RBM15B: variants seen among roughly 807,000 people sequenced by gnomAD.
RBM15B encodes the protein putative RNA-binding protein 15B.
Under a neutral mutation model 53.3 loss-of-function variants are expected in RBM15B, and 11 were observed. The observed-to-expected ratio is 0.21, with a 90% CI of 0.13 to 0.34. RBM15B has a LOEUF of 0.34. Ranked by LOEUF, RBM15B falls within the 10% of genes least tolerant of loss-of-function variation. RBM15B has a pLI of 1.00. For missense variants in RBM15B, 1,136 were observed against 1,250.3 expected (o/e 0.91, Z 1.38); for synonymous variants, 631 against 540.7 (o/e 1.17, Z -2.32).
At position 51,392,198 on chromosome 3, in the gene RBM15B, T is replaced by A; in HGVS notation, c.799T>A (p.Ser267Thr). ...GGYQYKQRSL[S>T]PVAAPPLREP... ...CTACCAGTACAAGCAGCGCTCGCTG[T>A]CCCCCGTCGCTGCCCCGCCCCTGCG... is the stretch of plus-strand genomic sequence containing the variant. Residue 267 changes from serine (S) to threonine (T), a missense_variant, in exon 1 of 1, where the codon TCC becomes ACC. Coordinates refer to ENST00000563281, the MANE Select transcript of RBM15B (RefSeq NM_013286.5). This position sits in a 1 kb window ranked among gnomAD's most constrained non-coding sequence, Gnocchi z 7.5. The A allele has an allele frequency of 6.5e-7, 1 of 1,543,078 alleles. No individual in the cohort carries two copies. Among genetic ancestry groups the A allele is most frequent in the Non-Finnish European group, 8.7e-7 (1 of 1,149,040 alleles).
In RBM15B at chr3:51,392,885, C is replaced by T. The variant is rs782736874; in HGVS notation, c.1486C>T (p.Arg496Trp). 3.7e-6 allele frequency: 6 copies of T among 1,613,844 alleles called. No homozygotes were observed. The highest frequency in any genetic ancestry group is 1.7e-5 in the Admixed American group (1 of 60,012). The change falls in exon 1 of 1, where the codon CGG (arginine) becomes TGG (tryptophan). Residue 496 changes from arginine (R) to tryptophan (W), a missense_variant. Arg to Trp is a moderately radical substitution (Grantham distance 101, BLOSUM62 -3). This residue lies in a region of RBM15B where 578 missense variants were observed against 581.6 expected (regional missense o/e 0.99). Transcript: ENST00000563281. This position sits in a 1 kb window ranked among gnomAD's most constrained non-coding sequence, Gnocchi z 7.5. ...RVDFAKAEET[R>W]YPQQYQPSPL... ...GGATTTTGCCAAAGCAGAGGAGACTCGGTACCCCCAGCAGTACCAGCCCTC... is the reference window on the plus strand; with the variant it reads ...GGATTTTGCCAAAGCAGAGGAGACTTGGTACCCCCAGCAGTACCAGCCCTC...
In RBM15B at chr3:51,394,911, C is replaced by T. The variant is rs2089121686; in HGVS notation, c.*839C>T. On this transcript the variant is annotated 3_prime_UTR_variant, in exon 1 of 1. Transcript: ENST00000563281. ...GCCTACTTTCTAGCCTCACTCAGCC[C>T]AGGGATAGCCAGTGTTGGGAGACAG... 6.0e-6 allele frequency: 1 copy of T among 167,230 alleles called. No individual in the cohort carries two copies. Among genetic ancestry groups the T allele is most frequent in the African/African-American group, 2.4e-5 (1 of 41,440 alleles). The allele number at this position is 167,230 out of a possible 1,614,324, so 10.4% of individuals were successfully genotyped here.
chr3:51,392,658 T>C lies in RBM15B; in HGVS notation c.1259T>C (p.Leu420Pro). Reference sequence around the variant, plus strand: ...GGCAAGGCCAACCCCACCACTCGTCTCTGGGTGGGTGGCCTGGGACCTAAC... The same window carrying C: ...GGCAAGGCCAACCCCACCACTCGTCCCTGGGTGGGTGGCCTGGGACCTAAC... ...GYGKANPTTRLWVGGLGPNTS... is the reference protein window; with the variant it reads ...GYGKANPTTRPWVGGLGPNTS... Residue 420 changes from leucine (L) to proline (P), a missense_variant, in exon 1 of 1, where the codon CTC becomes CCC. Coordinates refer to ENST00000563281, the MANE Select transcript of RBM15B (RefSeq NM_013286.5). This position sits in a 1 kb window ranked among gnomAD's most constrained non-coding sequence, Gnocchi z 7.5. 6.2e-7 allele frequency: 1 copy of C among 1,614,110 alleles called. No homozygotes were observed. The highest frequency in any genetic ancestry group is 8.5e-7 in the Non-Finnish European group (1 of 1,180,014).
Position 51,393,221 on chromosome 3 carries a change from C to T in RBM15B, c.1822C>T (p.His608Tyr), listed in dbSNP as rs782545862. The change falls in exon 1 of 1, where the codon CAT (histidine) becomes TAT (tyrosine). Residue 608 changes from histidine to tyrosine, a missense_variant. Coordinates refer to ENST00000563281, the MANE Select transcript of RBM15B (RefSeq NM_013286.5). This position sits in a 1 kb window ranked among gnomAD's most constrained non-coding sequence, Gnocchi z 5.6. ...SLSSDRGRTT[H>Y]SPYEERSRTK... ...TTCCAGTGACCGTGGGAGGACAACC[C>T]ATTCACCATATGAGGAACGGAGTAG... The T allele has an allele frequency of 6.2e-7, 1 of 1,613,854 alleles. No homozygotes were observed. Among genetic ancestry groups the T allele is most frequent in the South Asian group, 1.1e-5 (1 of 91,076 alleles).
In RBM15B at chr3:51,395,897, G is replaced by GTT. The variant is rs1186470769; in HGVS notation, c.*1829_*1830dup. The GTT allele has an allele frequency of 9.7e-6, 4 of 413,412 alleles. No individual in the cohort carries two copies. The highest frequency in any genetic ancestry group is 2.1e-5 in the African/African-American group (1 of 48,648). 25.6% of individuals were successfully genotyped at this position (413,412 alleles called of 1,614,324 possible). On this transcript the variant is annotated 3_prime_UTR_variant, in exon 1 of 1. Coordinates refer to ENST00000563281, the MANE Select transcript of RBM15B (RefSeq NM_013286.5). ...GTTAAGCATGTTTATTTATTTGCCT[G>GTT]TTTTTGTTTTTTTACTTGAGCTGTG...
chr3:51,392,292 T>C lies in RBM15B; in HGVS notation c.893T>C (p.Leu298Pro). 1 of 1,608,034 alleles carries C rather than the reference T, an allele frequency of 6.2e-7. No homozygotes were observed. Among genetic ancestry groups the C allele is most frequent in the Non-Finnish European group, 8.5e-7 (1 of 1,178,420 alleles). ...LDAAAAAAVG[L>P]SRERALDYYG... is the part of the protein sequence containing the mutation. The stretch of plus-strand genomic sequence containing the variant: ...GCCGCTGCTGCCGCCGCCGTGGGAC[T>C]GTCCCGGGAGCGGGCCCTGGACTAC... Residue 298 changes from leucine to proline, a missense_variant, in exon 1 of 1, where the codon CTG (leucine) becomes CCG (proline). This residue lies in a region of RBM15B where 204 missense variants were observed against 196.8 expected (regional missense o/e 1.04). Coordinates refer to ENST00000563281, the MANE Select transcript of RBM15B (RefSeq NM_013286.5). The surrounding 1 kb of genome is among the most constrained non-coding windows in gnomAD (Gnocchi z 7.5).
rs1553622492 is a variant in RBM15B, at chr3:51,395,323, TGTTA to T, written c.*1253_*1256del. 6.0e-6 allele frequency: 1 copy of T among 167,566 alleles called. No homozygotes were observed. The highest frequency in any genetic ancestry group is 1.5e-5 in the Non-Finnish European group (1 of 68,546). 10.4% of individuals were successfully genotyped at this position (167,566 alleles called of 1,614,324 possible). ...CAAGTCACTGAGGTGTTTGTTTGTT[TGTTA>T]GGCAGTGCTAGAGCTTGAAGCCACT... On this transcript the variant is annotated 3_prime_UTR_variant, in exon 1 of 1. Coordinates refer to ENST00000563281, the MANE Select transcript of RBM15B (RefSeq NM_013286.5).
chr3:51,393,804 G>T lies in RBM15B; in HGVS notation c.2405G>T (p.Ser802Ile). ...AVLLATQATP[S>I]GLGTEGMPTV... Reference sequence around the variant, plus strand: ...CTCTTAGCCACCCAGGCAACCCCCAGTGGGCTTGGCACTGAGGGGATGCCC... The same window carrying T: ...CTCTTAGCCACCCAGGCAACCCCCATTGGGCTTGGCACTGAGGGGATGCCC... The change falls in exon 1 of 1, where the codon AGT (serine) becomes ATT (isoleucine). Residue 802 changes from serine to isoleucine, a missense_variant. By Grantham distance (142) the Ser-to-Ile change is moderately radical (BLOSUM62 -2). Around this residue, in one of 7 missense-constraint regions of RBM15B, gnomAD observed 578 missense variants for 581.6 expected, o/e 0.99. Coordinates refer to ENST00000563281, the MANE Select transcript of RBM15B (RefSeq NM_013286.5). The surrounding 1 kb of genome is among the most constrained non-coding windows in gnomAD (Gnocchi z 5.6). 1 of 1,613,630 alleles carries T rather than the reference G, an allele frequency of 6.2e-7. No homozygotes were observed. The highest frequency in any genetic ancestry group is 8.5e-7 in the Non-Finnish European group (1 of 1,179,964).
At position 51,393,131 on chromosome 3, in the gene RBM15B, T is replaced by TG. The variant is rs782096261; in HGVS notation, c.1738dup (p.Ala580GlyfsTer23). 1 of 1,613,794 alleles carries TG rather than the reference T, an allele frequency of 6.2e-7. No homozygotes were observed. ...AGTGCGCAGCCGGAGTGGTGAGCGT[T>TG]GGGGGGCAGATGGAGACCGTGGTTT... On this transcript the variant is annotated frameshift_variant, in exon 1 of 1. Coordinates refer to ENST00000563281, the MANE Select transcript of RBM15B (RefSeq NM_013286.5). LOFTEE classifies it high-confidence loss of function. The surrounding 1 kb of genome is among the most constrained non-coding windows in gnomAD (Gnocchi z 5.6).
In RBM15B at chr3:51,397,814, CG is replaced by C. The variant is rs2089309240; in HGVS notation, c.*3744del. The C allele has an allele frequency of 6.0e-6, 1 of 166,678 alleles. No homozygotes were observed. The highest frequency in any genetic ancestry group is 2.1e-4 in the South Asian group (1 of 4,826). 10.3% of individuals were successfully genotyped at this position (166,678 alleles called of 1,614,324 possible). A position where few individuals can be genotyped will look rare whatever the true frequency, so the allele number is the denominator to read the frequency against. On this transcript the variant is annotated 3_prime_UTR_variant, in exon 1 of 1. Transcript: ENST00000563281. ...TGCAAAAAAGGGACACACCCCACTT[CG>C]GTAAAAGAAAATAGGGAAAGGCCAT...
At position 51,391,375 on chromosome 3, in the gene RBM15B, GCCGC is replaced by G. The variant is rs1553621483; in HGVS notation, c.-15_-12del. On this transcript the variant is annotated 5_prime_UTR_variant, in exon 1 of 1. Coordinates refer to ENST00000563281, the MANE Select transcript of RBM15B (RefSeq NM_013286.5). This position sits in a 1 kb window ranked among gnomAD's most constrained non-coding sequence, Gnocchi z 4.5. Reference sequence around the variant, plus strand: ...CGCCGCCGCTGTGAGAAACCTACGGGCCGCCCGCCCGCCGCGCCAGCGCCATGAA... The same window carrying G: ...CGCCGCCGCTGTGAGAAACCTACGGGCCGCCCGCCGCGCCAGCGCCATGAA... The G allele has an allele frequency of 8.3e-7, 1 of 1,206,726 alleles. No individual in the cohort carries two copies. The highest frequency in any genetic ancestry group is 4.5e-5 in the Admixed American group (1 of 22,402). The allele number at this position is 1,206,726 out of a possible 1,614,324, so 74.8% of individuals were successfully genotyped here. A position where few individuals can be genotyped will look rare whatever the true frequency, so the allele number is the denominator to read the frequency against.
Position 51,395,587 on chromosome 3 carries a change from A to T in RBM15B, c.*1515A>T, listed in dbSNP as rs2089150847. On this transcript the variant is annotated 3_prime_UTR_variant, in exon 1 of 1. Transcript: ENST00000563281. ...GAACACTGTCAGGGCTGAGGAGAAC[A>T]GAAGCTCTGGTAAGCGAATGAGCCC... 1 of 399,746 alleles carries T rather than the reference A, an allele frequency of 2.5e-6. No homozygotes were observed. The highest frequency in any genetic ancestry group is 2.1e-5 in the African/African-American group (1 of 48,406). 24.8% of individuals were successfully genotyped at this position (399,746 alleles called of 1,614,324 possible). A position where few individuals can be genotyped will look rare whatever the true frequency, so the allele number is the denominator to read the frequency against.
chr3:51,392,164 A>G lies in RBM15B; in HGVS notation c.765A>G (p.Leu255=). ...CCGACCCGCTCGGCTACCTCCCGCT[A>G]CACGGAGGCTACCAGTACAAGCAGC... is the stretch of plus-strand genomic sequence containing the variant. The part of the protein sequence containing the change: ...APADPLGYLP[L]HGGYQYKQRS... Residue 255 remains leucine, a synonymous_variant, in exon 1 of 1, where the codon CTA becomes CTG. Coordinates refer to ENST00000563281, the MANE Select transcript of RBM15B (RefSeq NM_013286.5). This position sits in a 1 kb window ranked among gnomAD's most constrained non-coding sequence, Gnocchi z 7.5. 2 of 1,537,456 alleles carry G rather than the reference A, an allele frequency of 1.3e-6. No homozygotes were observed. The highest frequency in any genetic ancestry group is 1.7e-6 in the Non-Finnish European group (2 of 1,146,706).
rs1369923303 is a variant in RBM15B, at chr3:51,395,629, A to AACTC, written c.*1558_*1561dup. The AACTC allele has an allele frequency of 4.9e-6, 2 of 409,704 alleles. No homozygotes were observed. Among genetic ancestry groups the AACTC allele is most frequent in the African/African-American group, 2.1e-5 (1 of 48,566 alleles). The allele number at this position is 409,704 out of a possible 1,614,324, so 25.4% of individuals were successfully genotyped here. A position where few individuals can be genotyped will look rare whatever the true frequency, so the allele number is the denominator to read the frequency against. On this transcript the variant is annotated 3_prime_UTR_variant, in exon 1 of 1. Transcript: ENST00000563281. ...AATGAGCCCCTAGATGATAACCAGG[A>AACTC]ACTCCAGGTTCTGCTGGCCGTGGCA...
chr3:51,394,197 G>A lies in RBM15B; in HGVS notation c.*125G>A, dbSNP rs1026228118. On this transcript the variant is annotated 3_prime_UTR_variant, in exon 1 of 1. Transcript: ENST00000563281. ...CTGGGTTATTTTGGTTCATTTGGGT[G>A]GGGATCAAAGTCCTGTCCACCACCA... 22 of 1,222,900 alleles carry A rather than the reference G, an allele frequency of 1.8e-5. No individual in the cohort carries two copies. In the South Asian group the frequency reaches 7.5e-4, roughly 42 times the overall value. The allele number at this position is 1,222,900 out of a possible 1,614,324, so 75.8% of individuals were successfully genotyped here.
At position 51,391,429 on chromosome 3, in the gene RBM15B, C is replaced by G; in HGVS notation, c.30C>G (p.Ser10Arg). MKRQSERDS[S>R]PSGRGSSSSA... ...AGCGGCAGAGCGAGCGAGACTCTAGCCCGAGCGGGCGCGGCTCGTCATCGT... is the reference window on the plus strand; with the variant it reads ...AGCGGCAGAGCGAGCGAGACTCTAGGCCGAGCGGGCGCGGCTCGTCATCGT... The change falls in exon 1 of 1, where the codon AGC becomes AGG. Residue 10 changes from serine to arginine, a missense_variant. Physicochemically the swap from Ser to Arg is moderately radical, Grantham distance 110. Around this residue, in one of 7 missense-constraint regions of RBM15B, gnomAD observed 257 missense variants for 261.1 expected, o/e 0.98. Transcript: ENST00000563281. The surrounding 1 kb of genome is among the most constrained non-coding windows in gnomAD (Gnocchi z 4.5). 3.1e-6 allele frequency: 4 copies of G among 1,273,638 alleles called. No individual in the cohort carries two copies. Among genetic ancestry groups the G allele is most frequent in the Non-Finnish European group, 4.0e-6 (4 of 1,006,874 alleles). The allele number at this position is 1,273,638 out of a possible 1,614,324, so 78.9% of individuals were successfully genotyped here. A position where few individuals can be genotyped will look rare whatever the true frequency, so the allele number is the denominator to read the frequency against.
In RBM15B at chr3:51,392,373, A is replaced by G. The variant is rs1577019321; in HGVS notation, c.974A>G (p.Glu325Gly). The G allele has an allele frequency of 6.2e-7, 1 of 1,613,980 alleles. No individual in the cohort carries two copies. Among genetic ancestry groups the G allele is most frequent in the Non-Finnish European group, 8.5e-7 (1 of 1,180,042 alleles). The change falls in exon 1 of 1, where the codon GAG becomes GGG. Residue 325 changes from glutamate (E) to glycine (G), a missense_variant. By Grantham distance (98) the Glu-to-Gly change is moderately conservative (BLOSUM62 -2). Coordinates refer to ENST00000563281, the MANE Select transcript of RBM15B (RefSeq NM_013286.5). The surrounding 1 kb of genome is among the most constrained non-coding windows in gnomAD (Gnocchi z 7.5). The part of the protein sequence containing the change: ...RPYGYPAVCE[E>G]DLMPEDDQRA... ...TATGGCTACCCAGCTGTGTGTGAGG[A>G]GGACCTGATGCCCGAGGATGACCAG...
rs1202114450 is a variant in RBM15B, at chr3:51,393,922, G to C, written c.2523G>C (p.Val841=). 3 of 1,540,400 alleles carry C rather than the reference G, an allele frequency of 1.9e-6. No homozygotes were observed. Among genetic ancestry groups the C allele is most frequent in the African/African-American group, 1.4e-5 (1 of 72,472 alleles). Residue 841 remains valine, a synonymous_variant, in exon 1 of 1, where the codon GTG becomes GTC. Transcript: ENST00000563281. This position sits in a 1 kb window ranked among gnomAD's most constrained non-coding sequence, Gnocchi z 5.6. ...KQAAGVISLP[V]GGSKGRDGTG... is the part of the protein sequence containing the mutation. Reference sequence around the variant, plus strand: ...CCGCAGGGGTGATCAGCTTGCCAGTGGGGGGGTCCAAGGGCAGAGACGGCA... The same window carrying C: ...CCGCAGGGGTGATCAGCTTGCCAGTCGGGGGGTCCAAGGGCAGAGACGGCA...
Position 51,391,851 on chromosome 3 carries a change from C to G in RBM15B, c.452C>G (p.Pro151Arg). 6.2e-7 allele frequency: 1 copy of G among 1,603,244 alleles called. No individual in the cohort carries two copies. The highest frequency in any genetic ancestry group is 8.5e-7 in the Non-Finnish European group (1 of 1,179,390). The change falls in exon 1 of 1, where the codon CCC (proline) becomes CGC (arginine). Residue 151 changes from proline (P) to arginine (R), a missense_variant. This residue lies in a region of RBM15B where 257 missense variants were observed against 261.1 expected (regional missense o/e 0.98). Coordinates refer to ENST00000563281, the MANE Select transcript of RBM15B (RefSeq NM_013286.5). The surrounding 1 kb of genome is among the most constrained non-coding windows in gnomAD (Gnocchi z 4.5). ...LLISSLSPAL[P>R]AEHLEDRLFH... ...ATCAGCAGCTTGAGCCCCGCGCTGC[C>G]CGCCGAGCACCTCGAGGACCGGCTC...
Sources: allele counts gnomAD v4.1 joint callset, GRCh38; gene constraint gnomAD v4.1.1; regional missense constraint gnomAD v4.1.1; non-coding constraint Gnocchi (gnomAD v3.1); transcripts MANE v1.5; gene names NCBI Gene and HGNC (gene_info 2026-07-23, HGNC 2026-07-21).